FAM83E: variants seen among roughly 807,000 people sequenced by gnomAD.
The protein encoded by FAM83E is protein FAM83E.
A neutral mutation model predicts 34.3 loss-of-function variants in FAM83E; 29 were observed. The ratio of observed to expected loss-of-function variants is 0.85; its 90% CI spans 0.63 to 1.15. The LOEUF (loss-of-function observed/expected upper bound fraction) is 1.15, where lower values mean the gene tolerates loss of function less well. Ranked by LOEUF, FAM83E falls within the 50% of genes most tolerant of loss-of-function variation. FAM83E has a pLI of 0.00. For missense variants in FAM83E, 697 were observed against 685.0 expected, an observed-to-expected ratio of 1.02 and a Z score of -0.20; for synonymous variants, 312 against 311.6, an observed-to-expected ratio of 1.00 and a Z score of -0.01.
At position 48,613,392 on chromosome 19, in the gene FAM83E, G is replaced by A. The variant is rs1479896335; in HGVS notation, c.-20C>T. On this transcript the variant is annotated 5_prime_UTR_variant, in exon 3 of 7. Coordinates refer to ENST00000263266, the MANE Select transcript of FAM83E (RefSeq NM_017708.4). ...CGCCATCGGGGTCACTCGGGTGGGAGGACTGACTGTGAGAGGCTGGGTCCC... is the reference window on the plus strand; with the variant it reads ...CGCCATCGGGGTCACTCGGGTGGGAAGACTGACTGTGAGAGGCTGGGTCCC... The A allele has an allele frequency of 2.0e-6, 3 of 1,516,718 alleles. No homozygotes were observed. The highest frequency in any genetic ancestry group is 8.8e-7 in the Non-Finnish European group (1 of 1,133,536). The allele number at this position is 1,516,718 out of a possible 1,614,324, so 94.0% of individuals were successfully genotyped here. A position where few individuals can be genotyped will look rare whatever the true frequency, so the allele number is the denominator to read the frequency against.
intron 5 of FAM83E, among the ~76,000 whole-genome samples, chr19:48,606,077 G>A (rs143729607): frequency 0.048 from 7,230 of 151,792 alleles, 225 homozygotes; most frequent in Non-Finnish European, 0.07. Context: ...TTGGGAGGTC[G>A]AGGCGGGCAG....
At chr19:48,604,244 A>G (rs950822129) in intron 5 of FAM83E, among the ~76,000 whole-genome samples, 4 of 151,416 alleles carry the variant, frequency 2.6e-5, no homozygotes, top group Non-Finnish European at 5.9e-5. Flanking sequence ...AATCAAAAAA[A>G]CTAGCCAGGT....
chr19:48,605,519 G>C (rs192842322), intron 5 of FAM83E, among the ~76,000 whole-genome samples: 1 of 152,032 alleles, frequency 6.6e-6, no homozygotes, highest in African/African-American at 2.4e-5. Context: ...AGGCTGCAGT[G>C]AGCCAAGATC....
chr19:48,608,521 T>C (rs1973978156), intron 5 of FAM83E, among the ~76,000 whole-genome samples: 1 of 149,112 alleles, frequency 6.7e-6, no homozygotes, highest in Admixed American at 6.7e-5. Context: ...CTTGGCTCAC[T>C]GCAACCTCCA....
intron 5 of FAM83E, chr19:48,606,984 C>T: frequency 6.2e-7 from 1 of 1,606,454 alleles, no homozygotes; most frequent in Non-Finnish European, 8.5e-7. Flanking sequence ...CCGCCATGGT[C>T]CTGTGCTGGC....
Position 48,613,562 on chromosome 19 carries a change from A to G in FAM83E, c.-190T>C, listed in dbSNP as rs1974091239. The G allele has an allele frequency of 7.1e-7, 1 of 1,410,840 alleles. No individual in the cohort carries two copies. The highest frequency in any genetic ancestry group is 2.6e-4 in the Middle Eastern group (1 of 3,830). 87.4% of individuals were successfully genotyped at this position (1,410,840 alleles called of 1,614,324 possible). On this transcript the variant is annotated 5_prime_UTR_variant, in exon 3 of 7. Coordinates refer to ENST00000263266, the MANE Select transcript of FAM83E (RefSeq NM_017708.4). The stretch of plus-strand genomic sequence containing the variant: ...GCAGCCCCTGCCACACTGTTCTGAC[A>G]ATCACGCTGCCCAAATAAGCGACCA...
At chr19:48,614,892 G>A (rs1974123436) in intron 1 of FAM83E, 45 bp downstream of exon 1, 3 of 703,354 alleles carry the variant, frequency 4.3e-6, no homozygotes, top group Non-Finnish European at 3.5e-6. Context: ...GCCCCCACAG[G>A]CCCCTGGAGG....
At chr19:48,608,728 G>A (rs1973982545) in intron 5 of FAM83E, among the ~76,000 whole-genome samples, 1 of 152,018 alleles carries the variant, frequency 6.6e-6, no homozygotes, top group Non-Finnish European at 1.5e-5. Flanking sequence ...TTACAGGTGT[G>A]AGCCACCACG....
chr19:48,601,421 G>A (rs1324353299), intron 6 of FAM83E, 52 bp from the exon 7 acceptor site: 3 of 1,540,894 alleles, frequency 1.9e-6, no homozygotes, highest in South Asian at 1.2e-5. Flanking sequence ...GGGCCCTGGG[G>A]GCATCCCAGA....
At chr19:48,602,296 T>G (rs1433177117) in intron 6 of FAM83E, among the ~76,000 whole-genome samples, 15 of 135,964 alleles carry the variant, frequency 1.1e-4, no homozygotes, top group Admixed American at 3.7e-4. Context: ...AAGGATGAGG[T>G]GAGGAAGAGG....
chr19:48,610,597 C>T (rs1234493293), intron 4 of FAM83E, 83 bp downstream of exon 4: 47 of 1,440,572 alleles, frequency 3.3e-5, no homozygotes, highest in South Asian at 5.5e-5. Context: ...CTCAATGACC[C>T]GGAGCTCCAT....
chr19:48,612,193 G>A (rs1440644619), intron 3 of FAM83E, among the ~76,000 whole-genome samples: 1 of 152,120 alleles, frequency 6.6e-6, no homozygotes, highest in Non-Finnish European at 1.5e-5. Context: ...CGTGGGAGCT[G>A]GCGGACGCTA....
chr19:48,601,087 C>G lies in FAM83E; in HGVS notation c.*22G>C. 6.3e-7 allele frequency: 1 copy of G among 1,594,566 alleles called. No individual in the cohort carries two copies. Among genetic ancestry groups the G allele is most frequent in the Non-Finnish European group, 8.5e-7 (1 of 1,171,428 alleles). On this transcript the variant is annotated 3_prime_UTR_variant, in exon 7 of 7. Coordinates refer to ENST00000263266, the MANE Select transcript of FAM83E (RefSeq NM_017708.4). The stretch of plus-strand genomic sequence containing the variant: ...CGGCACTGCTCCTTGGGTGGGCCAG[C>G]AGATTTGGCTTGGGCTCCTGTTCAG...
chr19:48,601,928 G>A (rs985663864), intron 6 of FAM83E, among the ~76,000 whole-genome samples: 1 of 151,534 alleles, frequency 6.6e-6, no homozygotes, highest in African/African-American at 2.4e-5. Flanking sequence ...GATTGCTTGA[G>A]CTCAGGAGTT....
intron 3 of FAM83E, among the ~76,000 whole-genome samples, chr19:48,612,524 C>T (rs994150825): frequency 2.0e-5 from 3 of 151,984 alleles, no homozygotes; most frequent in Non-Finnish European, 2.9e-5. Context: ...GCTTCCTCAG[C>T]CTCCCGAGTA....
chr19:48,601,198 C>A lies in FAM83E; in HGVS notation c.1348G>T (p.Gly450Cys). ...TGAAGTTTGAATGTAGCATCCCCAC[C>A]GAACCGCCTTCGGGCTGGGGACAGA... ...RYLSPARRRFGGDATFKLQEP... is the reference protein window; with the variant it reads ...RYLSPARRRFCGDATFKLQEP... The change falls in exon 7 of 7, where the codon GGT becomes TGT. Residue 450 changes from glycine (G) to cysteine (C), a missense_variant. By Grantham distance (159) the Gly-to-Cys change is radical. Coordinates refer to ENST00000263266, the MANE Select transcript of FAM83E (RefSeq NM_017708.4). The A allele has an allele frequency of 6.2e-7, 1 of 1,612,342 alleles. No homozygotes were observed. Among genetic ancestry groups the A allele is most frequent in the South Asian group, 1.1e-5 (1 of 90,896 alleles).
Position 48,600,962 on chromosome 19 carries a change from G to GA in FAM83E, c.*146dup, listed in dbSNP as rs1436144570. ...GCCACCACTCCCGGCCCAAGTTGCA[G>GA]AACAAGTGACAAACATCCCTTCTGC... On this transcript the variant is annotated 3_prime_UTR_variant, in exon 7 of 7. Coordinates refer to ENST00000263266, the MANE Select transcript of FAM83E (RefSeq NM_017708.4). The GA allele has an allele frequency of 6.9e-7, 1 of 1,454,242 alleles. No individual in the cohort carries two copies. The allele number at this position is 1,454,242 out of a possible 1,614,324, so 90.1% of individuals were successfully genotyped here.
In FAM83E at chr19:48,600,937, G is replaced by A. The variant is rs1973799322; in HGVS notation, c.*172C>T. 7.2e-7 allele frequency: 1 copy of A among 1,392,804 alleles called. No homozygotes were observed. The highest frequency in any genetic ancestry group is 9.4e-7 in the Non-Finnish European group (1 of 1,068,336). 86.3% of individuals were successfully genotyped at this position (1,392,804 alleles called of 1,614,324 possible). A position where few individuals can be genotyped will look rare whatever the true frequency, so the allele number is the denominator to read the frequency against. On this transcript the variant is annotated 3_prime_UTR_variant, in exon 7 of 7. Transcript: ENST00000263266. ...CAAAGTGCAGGGATTACAGGCATGA[G>A]CCACCACTCCCGGCCCAAGTTGCAG...
rs185519695 is a variant in FAM83E at position 48,608,165 on chromosome 19, A to G, written c.758+1711T>C. ...TGCTCTGCTGCCCAGGCTGGAGTGC[A>G]GTGGTGCAATCTTGGCTCATTGCAG... On this transcript the variant is annotated intron_variant, in intron 5 of 6. Transcript: ENST00000263266. Among the ~76,000 whole-genome samples, 164 of 152,226 alleles carry G rather than the reference A, an allele frequency of 1.1e-3. No homozygotes were observed. The Middle Eastern group carries it at 0.017, about 16-fold the overall frequency.
Sources: gnomAD v4.1 joint callset for allele counts (sites outside exome capture counted in the v4.1 genomes callset) on GRCh38, gnomAD v4.1.1 for gene constraint, MANE v1.5 for transcripts, NCBI Gene and HGNC (gene_info 2026-07-23, HGNC 2026-07-21) for gene names.